Variants in GALNTL6 observed in about 807,000 individuals in gnomAD.
GALNTL6 encodes the protein polypeptide N-acetylgalactosaminyltransferase-like 6.
GALNTL6 carries 46 observed loss-of-function variants against 73.7 expected under a neutral mutation model. That is an observed-to-expected ratio of 0.62 (90% CI 0.49 to 0.80). The LOEUF is 0.80. Among genes scored for constraint, GALNTL6 ranks in the 30% least tolerant of loss-of-function variants. GALNTL6 has a pLI of 0.00. For synonymous variants in GALNTL6, 259 were observed against 263.7 expected, an observed-to-expected ratio of 0.98 and a Z score of 0.17; for missense variants, 604 against 755.0, an observed-to-expected ratio of 0.80 and a Z score of 2.34.
chr4:173,007,667 G>A (rs946657312), intron 10 of GALNTL6, among the ~76,000 whole-genome samples: 3 of 152,134 alleles, frequency 2.0e-5, no homozygotes, highest in African/African-American at 4.8e-5. Flanking sequence ...TTAGCTTGGC[G>A]TGGTGGCACA....
At chr4:172,490,053 A>C (rs1276321951) in intron 5 of GALNTL6, among the ~76,000 whole-genome samples, 3 of 152,192 alleles carry the variant, frequency 2.0e-5, no homozygotes, top group African/African-American at 7.2e-5. Context: ...AGTACTTTGC[A>C]TCAGCAGCAT....
intron 5 of GALNTL6, among the ~76,000 whole-genome samples, chr4:172,566,533 A>C (rs1051897875): frequency 6.6e-6 from 1 of 152,202 alleles, no homozygotes; most frequent in South Asian, 2.1e-4. Context: ...TGTAGAATAC[A>C]GCAAAAGCAA....
At chr4:172,875,742 C>CACACACACACACACAA (rs72498201) in intron 7 of GALNTL6, among the ~76,000 whole-genome samples, 1 of 151,280 alleles carries the variant, frequency 6.6e-6, no homozygotes, top group African/African-American at 2.4e-5. Flanking sequence ...AACACACACA[C>CACACACACACACACAA]ACACACACAC....
chr4:172,037,492 C>A (rs2088048390), intron 2 of GALNTL6, among the ~76,000 whole-genome samples: 1 of 152,154 alleles, frequency 6.6e-6, no homozygotes, highest in Admixed American at 6.6e-5. Flanking sequence ...TGATGCTATA[C>A]CTGCTCACAT....
intron 5 of GALNTL6, among the ~76,000 whole-genome samples, chr4:172,543,509 T>A (rs1411238961): frequency 6.6e-6 from 1 of 152,208 alleles, no homozygotes; most frequent in Non-Finnish European, 1.5e-5. Flanking sequence ...CCTTGATAAG[T>A]CATTCCTGAG....
intron 10 of GALNTL6, among the ~76,000 whole-genome samples, chr4:172,975,414 A>G (rs1042838151): frequency 2.6e-5 from 4 of 152,210 alleles, no homozygotes; most frequent in Non-Finnish European, 5.9e-5. Flanking sequence ...AGTCTGGCTG[A>G]GTCCAGGGGT....
intron 5 of GALNTL6, among the ~76,000 whole-genome samples, chr4:172,448,939 A>G (rs1732117906): frequency 6.6e-6 from 1 of 152,146 alleles, no homozygotes; most frequent in South Asian, 2.1e-4. Flanking sequence ...TTCCCTTTTA[A>G]TAAGAAAATA....
chr4:172,176,185 A>C (rs1734988470), intron 2 of GALNTL6, among the ~76,000 whole-genome samples: 1 of 151,604 alleles, frequency 6.6e-6, no homozygotes, highest in African/African-American at 2.4e-5. Flanking sequence ...TAAAAAATAC[A>C]AAAAATTAGC....
At chr4:172,219,629 G>A (rs1160265323) in intron 2 of GALNTL6, among the ~76,000 whole-genome samples, 2 of 151,742 alleles carry the variant, frequency 1.3e-5, no homozygotes, top group African/African-American at 4.8e-5. Flanking sequence ...TTAAATTAAA[G>A]CTTGAAAAAC....
intron 2 of GALNTL6, among the ~76,000 whole-genome samples, chr4:172,107,150 G>A (rs1732697797): frequency 6.6e-6 from 1 of 152,178 alleles, no homozygotes; most frequent in Admixed American, 6.5e-5. Context: ...TGGGATTACA[G>A]GCATGAGCCA....
chr4:172,824,361 AGTGTGTGTGTGTGTG>A (rs1742114002), intron 7 of GALNTL6, among the ~76,000 whole-genome samples: 1 of 119,684 alleles, frequency 8.4e-6, no homozygotes, highest in African/African-American at 4.6e-5. Context: ...TCCATGGTAT[AGTGTGTGTGTGTGTG>A]AGTGTGTGTG....
intron 2 of GALNTL6, among the ~76,000 whole-genome samples, chr4:172,098,463 C>T (rs1024003595): frequency 6.6e-6 from 1 of 151,922 alleles, no homozygotes; most frequent in African/African-American, 2.4e-5. Flanking sequence ...CAAACTGTTG[C>T]AAAATAATAT....
intron 5 of GALNTL6, among the ~76,000 whole-genome samples, chr4:172,360,735 A>C (rs908156036): frequency 6.6e-6 from 1 of 152,144 alleles, no homozygotes; most frequent in African/African-American, 2.4e-5. Context: ...CCTACACCAC[A>C]ACTGTTTGTG....
At chr4:172,951,211 T>G (rs1193705712) in intron 9 of GALNTL6, among the ~76,000 whole-genome samples, 1 of 152,242 alleles carries the variant, frequency 6.6e-6, no homozygotes, top group Non-Finnish European at 1.5e-5. Context: ...GGGTGTTGCC[T>G]TACTTAATCC....
At chr4:172,241,544 A>C (rs1250712999) in intron 3 of GALNTL6, among the ~76,000 whole-genome samples, 1 of 152,212 alleles carries the variant, frequency 6.6e-6, no homozygotes, top group Non-Finnish European at 1.5e-5. Context: ...TTATTATTTC[A>C]TAATCTTACA....
chr4:172,496,333 G>C (rs1253238022), intron 5 of GALNTL6, among the ~76,000 whole-genome samples: 2 of 152,106 alleles, frequency 1.3e-5, no homozygotes, highest in Non-Finnish European at 2.9e-5. Context: ...TGGCTAAAGA[G>C]TCAATTTCTG....
chr4:172,955,192 G>A (rs1452659458), intron 10 of GALNTL6, among the ~76,000 whole-genome samples: 4 of 152,028 alleles, frequency 2.6e-5, no homozygotes, highest in Admixed American at 6.6e-5. Flanking sequence ...TTTAAGAGTG[G>A]CTAGGCTGGG....
At chr4:172,032,705 C>G (rs1215789832) in intron 2 of GALNTL6, among the ~76,000 whole-genome samples, 2 of 151,968 alleles carry the variant, frequency 1.3e-5, no homozygotes, top group East Asian at 3.9e-4. Context: ...CGGCTTTATC[C>G]TCAAACCACA....
chr4:172,396,978 A>AT (rs1313177773), intron 5 of GALNTL6, among the ~76,000 whole-genome samples: 9 of 152,116 alleles, frequency 5.9e-5, no homozygotes, highest in Non-Finnish European at 1.0e-4. Context: ...GTTAATGCAG[A>AT]TTTTTTCTAC....
Sources: allele counts gnomAD v4.1 joint callset (sites outside exome capture counted in the v4.1 genomes callset), GRCh38; gene constraint gnomAD v4.1.1; transcripts MANE v1.5; gene names NCBI Gene and HGNC (gene_info 2026-07-23, HGNC 2026-07-21).